The following DCP1A variants were observed in gnomAD, a reference collection of about 807,000 sequenced individuals.
The protein encoded by DCP1A is mRNA-decapping enzyme 1A.
A neutral mutation model predicts 58.0 loss-of-function variants in DCP1A; 20 were observed. The ratio of observed to expected loss-of-function variants is 0.34; its 90% CI spans 0.24 to 0.50. The LOEUF (loss-of-function observed/expected upper bound fraction) is 0.50, where lower values mean the gene tolerates loss of function less well. DCP1A is among the 20% of genes least tolerant of loss of function. The pLI is 0.98. For synonymous variants in DCP1A, 285 were observed against 275.1 expected, an observed-to-expected ratio of 1.04 and a Z score of -0.36; for missense variants, 613 against 712.2, an observed-to-expected ratio of 0.86 and a Z score of 1.59.
intron 3 of DCP1A, among the ~76,000 whole-genome samples, chr3:53,333,725 C>T (rs2089058422): frequency 6.6e-6 from 1 of 152,136 alleles, no homozygotes; most frequent in African/African-American, 2.4e-5. Flanking sequence ...TTTTAACATT[C>T]AGTTTGCAAT....
At chr3:53,307,600 A>G (rs957452119) in intron 5 of DCP1A, among the ~76,000 whole-genome samples, 2 of 152,172 alleles carry the variant, frequency 1.3e-5, no homozygotes, top group Non-Finnish European at 2.9e-5. Flanking sequence ...TGTATTTCTG[A>G]TACTTGTGCA....
In DCP1A at chr3:53,315,816, C is replaced by G. The variant is rs782457198; in HGVS notation, c.372-3437G>C. Reference sequence around the variant, plus strand: ...TCGCCCAGGCTGGAGTGCAGTGGCACGATCTTGGCTCACTGAAAGCTCCGC... The same window carrying G: ...TCGCCCAGGCTGGAGTGCAGTGGCAGGATCTTGGCTCACTGAAAGCTCCGC... On this transcript the variant is annotated intron_variant, in intron 4 of 9. Coordinates refer to ENST00000610213, the MANE Select transcript of DCP1A (RefSeq NM_018403.7). 3.8e-5 allele frequency among the ~76,000 whole-genome samples: 5 copies of G among 131,582 alleles called. No homozygotes were observed. The Admixed American group carries it at 4.6e-4, about 12-fold the overall frequency. 86.3% of individuals were successfully genotyped at this position (131,582 alleles called of 152,430 possible). A position where few individuals can be genotyped will look rare whatever the true frequency, so the allele number is the denominator to read the frequency against.
At chr3:53,329,069 AG>A (rs1575615479) in intron 3 of DCP1A, 1 of 315,106 alleles carries the variant, frequency 3.2e-6, no homozygotes, top group African/African-American at 2.1e-5. Context: ...TTCAGTGTGG[AG>A]GGAGAACTCA....
intron 8 of DCP1A, chr3:53,290,576 C>T: frequency 1.5e-6 from 1 of 646,236 alleles, no homozygotes; most frequent in Non-Finnish European, 2.7e-6. Flanking sequence ...ACTAAGCTGA[C>T]AACCTTTTAC....
intron 3 of DCP1A, among the ~76,000 whole-genome samples, chr3:53,336,424 T>C (rs1301543208): frequency 2.6e-5 from 4 of 152,174 alleles, no homozygotes; most frequent in Admixed American, 2.6e-4. Flanking sequence ...TTTTTTCACA[T>C]TTGCTGTTCT....
intron 3 of DCP1A, among the ~76,000 whole-genome samples, chr3:53,322,409 C>T (rs1553690096): frequency 6.6e-6 from 1 of 151,476 alleles, no homozygotes; most frequent in African/African-American, 2.4e-5. Flanking sequence ...CGAGATCACG[C>T]CACTGCACTC....
intron 5 of DCP1A, among the ~76,000 whole-genome samples, chr3:53,307,429 C>T (rs1349990632): frequency 2.0e-5 from 3 of 152,182 alleles, no homozygotes; most frequent in South Asian, 2.1e-4. Context: ...CCTTTACATA[C>T]GAACTAGCTC....
At chr3:53,320,167 C>T (rs1395121464) in intron 3 of DCP1A, among the ~76,000 whole-genome samples, 3 of 151,818 alleles carry the variant, frequency 2.0e-5, no homozygotes, top group Non-Finnish European at 2.9e-5. Context: ...CAATACAAAG[C>T]TTTCAAAACA....
At chr3:53,339,469 C>A (rs1254821483) in intron 3 of DCP1A, among the ~76,000 whole-genome samples, 1 of 152,200 alleles carries the variant, frequency 6.6e-6, no homozygotes, top group Non-Finnish European at 1.5e-5. Context: ...TATGATACTA[C>A]AGTGGAGTTA....
intron 3 of DCP1A, among the ~76,000 whole-genome samples, chr3:53,339,214 T>C (rs1387675310): frequency 7.9e-5 from 12 of 152,222 alleles, no homozygotes; most frequent in African/African-American, 2.9e-4. Context: ...CGAGAGGGCT[T>C]AACACTCACA....
intron 6 of DCP1A, among the ~76,000 whole-genome samples, chr3:53,297,769 A>G (rs1353163208): frequency 1.3e-5 from 2 of 152,246 alleles, no homozygotes; most frequent in African/African-American, 2.4e-5. Flanking sequence ...TTTGAAAAAC[A>G]GAGATCAGAT....
At position 53,315,764 on chromosome 3, in the gene DCP1A, T is replaced by G. The variant is rs1380814834; in HGVS notation, c.372-3385A>C. 2.2e-5 allele frequency among the ~76,000 whole-genome samples: 3 copies of G among 136,050 alleles called. No individual in the cohort carries two copies. The East Asian group carries it at 6.3e-4, about 29-fold the overall frequency. The allele number at this position is 136,050 out of a possible 152,430, so 89.3% of individuals were successfully genotyped here. On this transcript the variant is annotated intron_variant, in intron 4 of 9. Transcript: ENST00000610213. ...TTGTTGTTTTTTTTTTTTGTTTTTT[T>G]TTTTTTTGAGACGGAGTCTCGCTCT...
intron 6 of DCP1A, among the ~76,000 whole-genome samples, chr3:53,300,176 C>T (rs1466102339): frequency 6.6e-6 from 1 of 151,886 alleles, no homozygotes; most frequent in Non-Finnish European, 1.5e-5. Context: ...CCCGACCAAA[C>T]GTGAAGTTTT....
At chr3:53,304,046 G>A (rs1707390944) in intron 6 of DCP1A, 131 bp downstream of exon 6, 1 of 639,344 alleles carries the variant, frequency 1.6e-6, no homozygotes, top group Non-Finnish European at 2.7e-6. Flanking sequence ...CATGACCTAG[G>A]AGGATGTCAT....
chr3:53,306,931 CTTTT>C (rs1159787111), intron 5 of DCP1A, among the ~76,000 whole-genome samples: 17 of 101,558 alleles, frequency 1.7e-4, no homozygotes, highest in African/African-American at 5.2e-4. Context: ...CCAGGCTGTT[CTTTT>C]TTTTTTTTTT....
chr3:53,320,079 G>A (rs1707918515), intron 3 of DCP1A, among the ~76,000 whole-genome samples: 1 of 150,950 alleles, frequency 6.6e-6, no homozygotes, highest in Non-Finnish European at 1.5e-5. Context: ...AGTGAGCCGA[G>A]ATCACGCCAC....
intron 4 of DCP1A, among the ~76,000 whole-genome samples, chr3:53,314,375 G>T (rs1462010463): frequency 6.6e-5 from 10 of 152,256 alleles, no homozygotes; most frequent in African/African-American, 2.4e-4. Flanking sequence ...CTCTTAATAA[G>T]ACTATTACTT....
intron 6 of DCP1A, among the ~76,000 whole-genome samples, chr3:53,303,129 T>C (rs907043748): frequency 6.6e-6 from 1 of 151,798 alleles, no homozygotes. Flanking sequence ...TTAAAATTTG[T>C]TTCTAGAGAA....
At chr3:53,334,395 T>A (rs1241165369) in intron 3 of DCP1A, among the ~76,000 whole-genome samples, 2 of 152,250 alleles carry the variant, frequency 1.3e-5, no homozygotes, top group Non-Finnish European at 2.9e-5. Flanking sequence ...CTAAATTGAT[T>A]GATTTCTGCC....
Sources: gnomAD v4.1 joint callset for allele counts (sites outside exome capture counted in the v4.1 genomes callset) on GRCh38, gnomAD v4.1.1 for gene constraint, MANE v1.5 for transcripts, NCBI Gene and HGNC (gene_info 2026-07-23, HGNC 2026-07-21) for gene names.